Variants in CNTN4 observed in about 807,000 individuals in gnomAD.
CNTN4 encodes the protein contactin 4, also known as contactin-4.
In CNTN4, 77 loss-of-function variants were observed where a neutral mutation model predicts 122.5. The ratio of observed to expected loss-of-function variants is 0.63; its 90% CI spans 0.52 to 0.76. CNTN4 has a LOEUF of 0.76. Ranked by LOEUF, CNTN4 falls within the 30% of genes least tolerant of loss-of-function variation. The probability of loss-of-function intolerance (pLI) is 0.00; values close to 1 mark genes in which losing one functional copy is unlikely to be tolerated. For synonymous variants in CNTN4, 512 were observed against 447.0 expected, an observed-to-expected ratio of 1.15 and a Z score of -1.83; for missense variants, 1,256 against 1,259.1, an observed-to-expected ratio of 1.00 and a Z score of 0.04.
chr3:2,969,433 C>G (rs1288721432), intron 13 of CNTN4, among the ~76,000 whole-genome samples: 1 of 151,988 alleles, frequency 6.6e-6, no homozygotes. Flanking sequence ...CATGAACACC[C>G]CAGCAGCCAG....
intron 17 of CNTN4, 130 bp from the exon 18 acceptor site, chr3:3,037,049 T>A: frequency 9.2e-7 from 1 of 1,081,508 alleles, no homozygotes; most frequent in Non-Finnish European, 1.4e-6. Flanking sequence ...GCAGCTAATA[T>A]CAGAACACCT....
intron 4 of CNTN4, among the ~76,000 whole-genome samples, chr3:2,624,507 C>G (rs1463143054): frequency 1.3e-5 from 2 of 151,982 alleles, no homozygotes; most frequent in South Asian, 2.1e-4. Context: ...CAACATGAGA[C>G]CATGGCAAGC....
chr3:2,354,561 A>C (rs937040073), intron 3 of CNTN4, among the ~76,000 whole-genome samples: 5 of 152,186 alleles, frequency 3.3e-5, no homozygotes, highest in African/African-American at 1.2e-4. Context: ...TTTGAACCTT[A>C]AGTGAAAGGA....
intron 13 of CNTN4, among the ~76,000 whole-genome samples, chr3:2,947,623 T>A (rs2094693330): frequency 6.6e-6 from 1 of 152,234 alleles, no homozygotes; most frequent in Non-Finnish European, 1.5e-5. Context: ...TTTTTTGGTT[T>A]TTTGTTTTTC....
At chr3:2,723,618 C>T (rs2088007697) in intron 4 of CNTN4, among the ~76,000 whole-genome samples, 1 of 152,172 alleles carries the variant, frequency 6.6e-6, no homozygotes. Flanking sequence ...TTATGAAGGC[C>T]TTAATCCCAT....
At chr3:2,144,781 T>C (rs1484046382) in intron 2 of CNTN4, among the ~76,000 whole-genome samples, 1 of 152,208 alleles carries the variant, frequency 6.6e-6, no homozygotes, top group Non-Finnish European at 1.5e-5. Context: ...ATTGGAATTG[T>C]ATCTGTCAAA....
chr3:2,501,528 G>C lies in CNTN4; in HGVS notation c.-88-69888G>C, dbSNP rs573254545. Among the ~76,000 whole-genome samples the C allele has an allele frequency of 1.8e-4, 27 of 152,274 alleles. No individual in the cohort carries two copies. The South Asian group carries it at 4.4e-3, about 25-fold the overall frequency. On this transcript the variant is annotated intron_variant, in intron 3 of 24. Coordinates refer to ENST00000418658, the MANE Select transcript of CNTN4 (RefSeq NM_175607.3). ...GTTTTCTTACCTTTATCAACTTCTA[G>C]AGGCCACCTGCATTCCACAGCTTGT... is the stretch of plus-strand genomic sequence containing the variant.
intron 2 of CNTN4, among the ~76,000 whole-genome samples, chr3:2,126,566 C>A (rs964185375): frequency 1.3e-5 from 2 of 152,148 alleles, no homozygotes; most frequent in Admixed American, 6.6e-5. Context: ...GAGCATCTTG[C>A]AGTTCTGTAG....
At chr3:2,917,170 G>C (rs1468522509) in intron 12 of CNTN4, among the ~76,000 whole-genome samples, 1 of 149,850 alleles carries the variant, frequency 6.7e-6, no homozygotes. Context: ...GCGTGGCGGC[G>C]CGCGCCTGCA....
intron 4 of CNTN4, among the ~76,000 whole-genome samples, chr3:2,578,490 A>G (rs889720214): frequency 5.3e-5 from 8 of 152,170 alleles, no homozygotes; most frequent in East Asian, 3.8e-4. Flanking sequence ...TAATATTTCA[A>G]TTCCCAAGAT....
intron 4 of CNTN4, among the ~76,000 whole-genome samples, chr3:2,600,982 G>A (rs1232606997): frequency 2.0e-5 from 3 of 152,066 alleles, no homozygotes; most frequent in Non-Finnish European, 4.4e-5. Flanking sequence ...TGTGTCTGTT[G>A]GCTGCATAAA....
intron 2 of CNTN4, among the ~76,000 whole-genome samples, chr3:2,321,460 T>G (rs370647048): frequency 7.2e-5 from 11 of 152,256 alleles, no homozygotes; most frequent in African/African-American, 2.6e-4. Context: ...GCTCCCAAAA[T>G]TGTGGAATTC....
At chr3:2,386,600 CAT>C (rs2046265745) in intron 3 of CNTN4, among the ~76,000 whole-genome samples, 1 of 151,754 alleles carries the variant, frequency 6.6e-6, no homozygotes, top group Non-Finnish European at 1.5e-5. Flanking sequence ...GCAAATATCA[CAT>C]GTTTGAAGCT....
chr3:3,034,552 T>C, intron 16 of CNTN4, 80 bp from the exon 17 acceptor site: 1 of 1,379,908 alleles, frequency 7.2e-7, no homozygotes, highest in Non-Finnish European at 1.0e-6. Context: ...AATGGGTCAA[T>C]GCCCCATTCA....
At chr3:2,682,671 AAAG>A (rs908781579) in intron 4 of CNTN4, among the ~76,000 whole-genome samples, 6 of 152,144 alleles carry the variant, frequency 3.9e-5, no homozygotes, top group Non-Finnish European at 7.4e-5. Context: ...TGGGTTAATT[AAAG>A]ATCTAGACTG....
intron 4 of CNTN4, among the ~76,000 whole-genome samples, chr3:2,571,988 C>T (rs1435808683): frequency 6.6e-6 from 1 of 152,198 alleles, no homozygotes; most frequent in East Asian, 1.9e-4. Flanking sequence ...CTGATACTGA[C>T]TCTCTTTTTC....
chr3:2,338,890 G>A (rs550881160), intron 2 of CNTN4, among the ~76,000 whole-genome samples: 100 of 151,954 alleles, frequency 6.6e-4, no homozygotes, highest in African/African-American at 2.2e-3. Flanking sequence ...ATAAAATATT[G>A]CAGGCTCCTA....
chr3:2,478,232 A>T (rs1454102018), intron 3 of CNTN4, among the ~76,000 whole-genome samples: 1 of 152,176 alleles, frequency 6.6e-6, no homozygotes, highest in African/African-American at 2.4e-5. Flanking sequence ...GTGTCGCATA[A>T]TGCATATCTT....
chr3:2,819,970 A>G (rs566182930), intron 7 of CNTN4, among the ~76,000 whole-genome samples: 2 of 152,298 alleles, frequency 1.3e-5, no homozygotes, highest in South Asian at 2.1e-4. Flanking sequence ...TCTACTCGCA[A>G]TACTTCTGAC....
Sources: allele counts gnomAD v4.1 joint callset (sites outside exome capture counted in the v4.1 genomes callset), GRCh38; gene constraint gnomAD v4.1.1; transcripts MANE v1.5; gene names NCBI Gene and HGNC (gene_info 2026-07-23, HGNC 2026-07-21).